The following EXT1 variants were observed in gnomAD, a reference collection of about 807,000 sequenced individuals.
The protein encoded by EXT1 is exostosin-1.
In EXT1, 20 loss-of-function variants were observed where a neutral mutation model predicts 82.5. That is an observed-to-expected ratio of 0.24 (90% CI 0.17 to 0.35). EXT1 has a LOEUF of 0.35. Ranked by LOEUF, EXT1 falls within the 10% of genes least tolerant of loss-of-function variation. The probability of loss-of-function intolerance (pLI) is 1.00; values close to 1 mark genes in which losing one functional copy is unlikely to be tolerated. For synonymous variants in EXT1, 348 were observed against 350.8 expected, an observed-to-expected ratio of 0.99 and a Z score of 0.09; for missense variants, 757 against 936.5, an observed-to-expected ratio of 0.81 and a Z score of 2.50.
Position 117,795,165 on chromosome 8 carries a change from A to C in EXT1, c.*4547T>G, listed in dbSNP as rs1226836309. On this transcript the variant is annotated 3_prime_UTR_variant, in exon 11 of 11. Transcript: ENST00000378204. Reference sequence around the variant, plus strand: ...TGAGACTGTGCTATCCTGAGGGCTCAGCTTTCTCAAGGTTTGCCTTCTTCT... The same window carrying C: ...TGAGACTGTGCTATCCTGAGGGCTCCGCTTTCTCAAGGTTTGCCTTCTTCT... 6.6e-6 allele frequency: 1 copy of C among 152,220 alleles called. No individual in the cohort carries two copies. Among genetic ancestry groups the C allele is most frequent in the East Asian group, 1.9e-4 (1 of 5,198 alleles). The allele number at this position is 152,220 out of a possible 1,614,324, so 9.4% of individuals were successfully genotyped here. A position where few individuals can be genotyped will look rare whatever the true frequency, so the allele number is the denominator to read the frequency against.
chr8:117,961,744 A>G (rs935967533), intron 1 of EXT1, among the ~76,000 whole-genome samples: 2 of 152,240 alleles, frequency 1.3e-5, no homozygotes, highest in Non-Finnish European at 2.9e-5. Flanking sequence ...TAAAGAGAAC[A>G]TTCAAGAGAA....
chr8:118,009,499 AG>A (rs17431319), intron 1 of EXT1, among the ~76,000 whole-genome samples: 38,104 of 152,102 alleles, frequency 0.25, 5,490 homozygotes, highest in South Asian at 0.42. Flanking sequence ...AGACTCCAAA[AG>A]GGCAAGCAAT....
chr8:117,942,052 C>G (rs1443516591), intron 1 of EXT1, among the ~76,000 whole-genome samples: 1 of 152,204 alleles, frequency 6.6e-6, no homozygotes, highest in Non-Finnish European at 1.5e-5. Flanking sequence ...CACTGATGAC[C>G]TTCCCATCAC....
In EXT1 at chr8:117,822,526, C is replaced by A. The variant is rs770549520; in HGVS notation, c.1356G>T (p.Leu452Phe). The change falls in exon 5 of 11, where the codon TTG (leucine) becomes TTT (phenylalanine). Residue 452 changes from leucine (L) to phenylalanine (F), a missense_variant. Leu to Phe is a conservative substitution (Grantham distance 22). This residue lies in a region of EXT1 where 207 missense variants were observed against 224.2 expected (regional missense o/e 0.92). Coordinates refer to ENST00000378204, the MANE Select transcript of EXT1 (RefSeq NM_000127.3). ...AAGATGAATACTGTGGTAGTACGAA[C>A]AATCCTCCAGGATGTTTGTTCCATA... ...SLIWNKHPGGLFVLPQYSSYL... is the reference protein window; with the variant it reads ...SLIWNKHPGGFFVLPQYSSYL... 3 of 1,613,408 alleles carry A rather than the reference C, an allele frequency of 1.9e-6. No homozygotes were observed. The highest frequency in any genetic ancestry group is 1.3e-5 in the African/African-American group (1 of 74,928).
chr8:117,901,162 A>G (rs7841107), intron 1 of EXT1, among the ~76,000 whole-genome samples: 2,338 of 152,332 alleles, frequency 0.015, 51 homozygotes, highest in African/African-American at 0.054. Flanking sequence ...GAAGTGCGGT[A>G]TTAGGAGATT....
At chr8:118,000,541 C>T (rs1206448557) in intron 1 of EXT1, among the ~76,000 whole-genome samples, 1 of 152,196 alleles carries the variant, frequency 6.6e-6, no homozygotes. Flanking sequence ...AATGTCTTAG[C>T]TGTAGCTAGG....
At chr8:118,092,928 AACTGAGAAAGCTCCCAGGCCACACC>A (rs1452437861) in intron 1 of EXT1, among the ~76,000 whole-genome samples, 1 of 152,208 alleles carries the variant, frequency 6.6e-6, no homozygotes, top group African/African-American at 2.4e-5. Context: ...AATAGGAGCA[AACTGAGAAAGCTCCCAGGCCACACC>A]ATGCCTGGGA....
chr8:118,104,812 C>T (rs1375026543), intron 1 of EXT1, among the ~76,000 whole-genome samples: 1 of 152,148 alleles, frequency 6.6e-6, no homozygotes, highest in African/African-American at 2.4e-5. Flanking sequence ...TAGTTATTAA[C>T]CTCATGGAAA....
chr8:118,058,793 T>C (rs1338951059), intron 1 of EXT1, among the ~76,000 whole-genome samples: 2 of 152,188 alleles, frequency 1.3e-5, no homozygotes, highest in African/African-American at 4.8e-5. Flanking sequence ...TTAATAGATA[T>C]AGATATACAT....
chr8:117,807,167 A>T (rs779764729), intron 9 of EXT1, 50 bp downstream of exon 9: 3 of 1,608,774 alleles, frequency 1.9e-6, no homozygotes, highest in Non-Finnish European at 1.7e-6. Context: ...TGCAGCAGCC[A>T]ATATAAAAAG....
intron 1 of EXT1, among the ~76,000 whole-genome samples, chr8:118,072,493 G>T (rs762774453): frequency 3.3e-5 from 5 of 152,190 alleles, no homozygotes; most frequent in South Asian, 2.1e-4. Context: ...CCCTAAGGGG[G>T]GAGACCCTTT....
chr8:117,840,775 G>C (rs557577175), intron 1 of EXT1, among the ~76,000 whole-genome samples: 3 of 152,192 alleles, frequency 2.0e-5, no homozygotes, highest in African/African-American at 7.2e-5. Context: ...TTTTTCCAAA[G>C]AAGACACACA....
In EXT1 at chr8:117,799,664, T is replaced by A. The variant is rs766314308; in HGVS notation, c.*48A>T. 12 of 1,606,194 alleles carry A rather than the reference T, an allele frequency of 7.5e-6. No individual in the cohort carries two copies. The highest frequency in any genetic ancestry group is 1.3e-5 in the African/African-American group (1 of 74,694). ...ATCTGCACTGGGAAGAGAGAGCAGC[T>A]TGACCCCCATCCCTTCTTGCTTCCC... On this transcript the variant is annotated 3_prime_UTR_variant, in exon 11 of 11. Transcript: ENST00000378204.
intron 1 of EXT1, among the ~76,000 whole-genome samples, chr8:117,879,681 A>G (rs1448119798): frequency 1.8e-4 from 27 of 152,204 alleles, no homozygotes; most frequent in Admixed American, 1.8e-3. Flanking sequence ...AAGAGTGACC[A>G]AGCAACTACA....
At chr8:118,042,261 G>T (rs939451600) in intron 1 of EXT1, among the ~76,000 whole-genome samples, 2 of 152,128 alleles carry the variant, frequency 1.3e-5, no homozygotes, top group African/African-American at 4.8e-5. Flanking sequence ...GGGCTTATAA[G>T]TCTTTCCCAA....
chr8:118,056,442 T>C (rs1410735768), intron 1 of EXT1, among the ~76,000 whole-genome samples: 1 of 152,170 alleles, frequency 6.6e-6, no homozygotes, highest in Non-Finnish European at 1.5e-5. Flanking sequence ...GAAACCCAAC[T>C]AGTTTCCAGG....
At chr8:118,094,105 G>C (rs771691140) in intron 1 of EXT1, among the ~76,000 whole-genome samples, 2 of 152,114 alleles carry the variant, frequency 1.3e-5, no homozygotes, top group African/African-American at 2.4e-5. Flanking sequence ...TCAGGTGACC[G>C]ACCCCCAGCA....
intron 1 of EXT1, among the ~76,000 whole-genome samples, chr8:118,061,743 C>T (rs1037512839): frequency 3.3e-5 from 5 of 152,092 alleles, no homozygotes; most frequent in Non-Finnish European, 7.4e-5. Context: ...AGTTGGTAAG[C>T]CAAATAACAT....
At chr8:118,016,113 G>A (rs1018941902) in intron 1 of EXT1, among the ~76,000 whole-genome samples, 3 of 152,170 alleles carry the variant, frequency 2.0e-5, no homozygotes, top group East Asian at 1.9e-4. Flanking sequence ...CACTCCAGGC[G>A]GGGCGTGGTG....
Sources: gnomAD v4.1 joint callset for allele counts (sites outside exome capture counted in the v4.1 genomes callset) on GRCh38, gnomAD v4.1.1 for gene constraint, gnomAD v4.1.1 regional missense constraint, MANE v1.5 for transcripts, NCBI Gene and HGNC (gene_info 2026-07-23, HGNC 2026-07-21) for gene names.